Variants in PCCA observed in about 807,000 individuals in gnomAD.
The protein encoded by PCCA is propionyl-CoA carboxylase alpha chain, mitochondrial.
In PCCA, 74 loss-of-function variants were observed where a neutral mutation model predicts 101.3. The ratio of observed to expected loss-of-function variants is 0.73; its 90% CI spans 0.61 to 0.89. The LOEUF (loss-of-function observed/expected upper bound fraction) is 0.89, where lower values mean the gene tolerates loss of function less well. Among genes scored for constraint, PCCA ranks in the 40% least tolerant of loss-of-function variants. PCCA has a pLI of 0.00. For missense variants in PCCA, 891 were observed against 907.0 expected (o/e 0.98, Z 0.23); for synonymous variants, 294 against 313.6 (o/e 0.94, Z 0.66).
At chr13:100,446,787 T>G (rs2080864147) in intron 20 of PCCA, among the ~76,000 whole-genome samples, 1 of 152,256 alleles carries the variant, frequency 6.6e-6, no homozygotes, top group Non-Finnish European at 1.5e-5. Context: ...CTAATATTTT[T>G]GCCTAGAAAT....
intron 21 of PCCA, among the ~76,000 whole-genome samples, chr13:100,456,623 A>AG (rs975218198): frequency 1.3e-3 from 195 of 150,134 alleles, no homozygotes; most frequent in African/African-American, 4.5e-3. Context: ...ATCGTAGAAC[A>AG]GGGGGGCCCT....
chr13:100,367,645 GT>G (rs548639518), intron 18 of PCCA, among the ~76,000 whole-genome samples: 121 of 125,786 alleles, frequency 9.6e-4, no homozygotes, highest in Non-Finnish European at 1.5e-3. Flanking sequence ...TTTTTTTTTT[GT>G]TTTTTTTTTT....
chr13:100,117,917 C>T (rs1437696038), intron 4 of PCCA, among the ~76,000 whole-genome samples: 1 of 151,700 alleles, frequency 6.6e-6, no homozygotes, highest in African/African-American at 2.4e-5. Flanking sequence ...GAGATCGAGA[C>T]CATCCTGGCT....
chr13:100,375,126 C>T (rs1192421560), intron 19 of PCCA, among the ~76,000 whole-genome samples: 1 of 151,936 alleles, frequency 6.6e-6, no homozygotes, highest in Admixed American at 6.6e-5. Context: ...TGTTATTTAC[C>T]CAGTAGTCAT....
chr13:100,500,910 G>A (rs534140230), intron 21 of PCCA, among the ~76,000 whole-genome samples: 86 of 152,330 alleles, frequency 5.6e-4, no homozygotes, highest in Non-Finnish European at 9.0e-4. Context: ...TTGGGAGGCC[G>A]AGGCGGGTAG....
chr13:100,449,310 G>A lies in PCCA; in HGVS notation c.1899+5G>A, dbSNP rs1352745502. On this transcript the variant is annotated splice_donor_5th_base_variant and intron_variant, in intron 21 of 23. Transcript: ENST00000376285. ...ATTCAGTTTCTTGGTACAGTGGTAAGTATGAAATCATTCTTTATTCTCTTA... is the reference window on the plus strand; with the variant it reads ...ATTCAGTTTCTTGGTACAGTGGTAAATATGAAATCATTCTTTATTCTCTTA... 2 of 1,491,676 alleles carry A rather than the reference G, an allele frequency of 1.3e-6. No homozygotes were observed. The highest frequency in any genetic ancestry group is 4.0e-5 in the Admixed American group (2 of 50,498). 92.4% of individuals were successfully genotyped at this position (1,491,676 alleles called of 1,614,324 possible). A position where few individuals can be genotyped will look rare whatever the true frequency, so the allele number is the denominator to read the frequency against.
At chr13:100,344,516 A>G (rs1418727538) in intron 18 of PCCA, among the ~76,000 whole-genome samples, 1 of 152,162 alleles carries the variant, frequency 6.6e-6, no homozygotes, top group African/African-American at 2.4e-5. Context: ...TTTTGTACTC[A>G]TTAGTTCCAT....
At chr13:100,520,727 T>TA (rs941449147) in intron 22 of PCCA, among the ~76,000 whole-genome samples, 13 of 149,772 alleles carry the variant, frequency 8.7e-5, no homozygotes, top group African/African-American at 2.7e-4. Context: ...GATGAGGAGG[T>TA]AAAAAAATAT....
At chr13:100,331,258 C>T (rs764032916) in intron 17 of PCCA, among the ~76,000 whole-genome samples, 1 of 152,098 alleles carries the variant, frequency 6.6e-6, no homozygotes, top group Non-Finnish European at 1.5e-5. Flanking sequence ...CTTTAGTGAG[C>T]ATTCAAAACA....
At chr13:100,178,977 T>C (rs978326313) in intron 6 of PCCA, among the ~76,000 whole-genome samples, 4 of 150,782 alleles carry the variant, frequency 2.7e-5, no homozygotes, top group African/African-American at 9.8e-5. Context: ...CTCGGGAGGC[T>C]GAGGCAGGAG....
chr13:100,284,798 C>T (rs949628448), intron 12 of PCCA, among the ~76,000 whole-genome samples: 1 of 152,250 alleles, frequency 6.6e-6, no homozygotes, highest in Non-Finnish European at 1.5e-5. Context: ...ACAGACCACA[C>T]ATCCCAACTT....
intron 23 of PCCA, 119 bp downstream of exon 23, chr13:100,527,871 A>G: frequency 2.6e-6 from 2 of 778,696 alleles, no homozygotes; most frequent in Admixed American, 1.8e-5. Context: ...CCTCGCTTCT[A>G]CAGAGGAGGA....
chr13:100,130,584 G>A (rs2050405350), intron 4 of PCCA, among the ~76,000 whole-genome samples: 1 of 152,156 alleles, frequency 6.6e-6, no homozygotes, highest in African/African-American at 2.4e-5. Context: ...AGGTACAACT[G>A]CTTATAAATA....
intron 8 of PCCA, among the ~76,000 whole-genome samples, chr13:100,239,165 A>G (rs1226484637): frequency 1.3e-5 from 2 of 152,184 alleles, no homozygotes; most frequent in Non-Finnish European, 2.9e-5. Flanking sequence ...GCACTTTGGA[A>G]ATGTTGTTTC....
At chr13:100,312,602 A>C (rs1018001655) in intron 16 of PCCA, among the ~76,000 whole-genome samples, 4 of 152,254 alleles carry the variant, frequency 2.6e-5, no homozygotes, top group African/African-American at 9.6e-5. Flanking sequence ...ATAGAGTTAA[A>C]AAACTGAATT....
intron 20 of PCCA, among the ~76,000 whole-genome samples, chr13:100,443,648 A>G (rs1338037862): frequency 1.9e-5 from 1 of 52,892 alleles, no homozygotes; most frequent in African/African-American, 4.4e-5. Flanking sequence ...TCAGTGGGTT[A>G]TTGTGATTTT....
intron 1 of PCCA, among the ~76,000 whole-genome samples, chr13:100,101,681 C>T (rs2047293618): frequency 6.6e-6 from 1 of 152,172 alleles, no homozygotes; most frequent in African/African-American, 2.4e-5. Flanking sequence ...CTCACAGCAA[C>T]CTCCACCTCC....
At chr13:100,413,536 CT>C (rs1265637203) in intron 19 of PCCA, among the ~76,000 whole-genome samples, 6 of 152,128 alleles carry the variant, frequency 3.9e-5, no homozygotes, top group Non-Finnish European at 5.9e-5. Context: ...AAAAATAGAT[CT>C]CTAATAATCA....
chr13:100,297,472 A>C (rs765822887), intron 12 of PCCA, among the ~76,000 whole-genome samples: 2 of 152,216 alleles, frequency 1.3e-5, no homozygotes, highest in Non-Finnish European at 2.9e-5. Context: ...CCGAAATGAG[A>C]TACATTAAGC....
Sources: allele counts gnomAD v4.1 joint callset (sites outside exome capture counted in the v4.1 genomes callset), GRCh38; gene constraint gnomAD v4.1.1; transcripts MANE v1.5; gene names NCBI Gene and HGNC (gene_info 2026-07-23, HGNC 2026-07-21).